The following PTGR1 variants were observed in gnomAD, a reference collection of about 807,000 sequenced individuals.
PTGR1 encodes the protein prostaglandin reductase 1.
Under a neutral mutation model 37.7 loss-of-function variants are expected in PTGR1, and 23 were observed. The observed-to-expected ratio is 0.61, with a 90% CI of 0.44 to 0.86. The LOEUF is 0.86. Ranked by LOEUF, PTGR1 falls within the 40% of genes least tolerant of loss-of-function variation. The pLI is 0.00. For synonymous variants in PTGR1, 134 were observed against 140.0 expected (o/e 0.96, Z 0.30); for missense variants, 351 against 394.3 (o/e 0.89, Z 0.93).
intron 7 of PTGR1, chr9:111,576,417 C>G: frequency 6.2e-7 from 1 of 1,614,060 alleles, no homozygotes; most frequent in Non-Finnish European, 8.5e-7. Context: ...CTGAATAAGA[C>G]CATGCTCTGC....
At chr9:111,569,780 T>A (rs1828729314) in intron 9 of PTGR1, 1 of 353,602 alleles carries the variant, frequency 2.8e-6, no homozygotes, top group African/African-American at 2.1e-5. Context: ...ATATGTGGGT[T>A]TAAGGAAGAA....
chr9:111,594,475 T>C (rs1829718214), intron 2 of PTGR1, among the ~76,000 whole-genome samples: 1 of 151,852 alleles, frequency 6.6e-6, no homozygotes, highest in Non-Finnish European at 1.5e-5. Context: ...AGCCTGCATA[T>C]GTACCCCTAA....
intron 9 of PTGR1, among the ~76,000 whole-genome samples, chr9:111,556,570 C>A (rs967749716): frequency 3.9e-5 from 6 of 152,222 alleles, no homozygotes; most frequent in African/African-American, 1.2e-4. Context: ...CAACTCTTGT[C>A]TTCTTTGCAC....
chr9:111,574,835 C>G lies in PTGR1; in HGVS notation c.659G>C (p.Gly220Ala). 6.2e-7 allele frequency: 1 copy of G among 1,612,136 alleles called. No individual in the cohort carries two copies. The highest frequency in any genetic ancestry group is 1.1e-5 in the South Asian group (1 of 90,934). Reference sequence around the variant, plus strand: ...GCCGATAACAGTGTTTGAAAACTCTCCACCTACCTAAACAGATAGCAAAGA... The same window carrying G: ...GCCGATAACAGTGTTTGAAAACTCTGCACCTACCTAAACAGATAGCAAAGA... ...GYDCYFDNVG[G>A]EFSNTVIGQM... Residue 220 changes from glycine (G) to alanine (A), a missense_variant, in exon 8 of 10, where the codon GGA becomes GCA. Transcript: ENST00000407693.
At chr9:111,555,223 G>A (rs975067051) in intron 9 of PTGR1, among the ~76,000 whole-genome samples, 1 of 152,152 alleles carries the variant, frequency 6.6e-6, no homozygotes, top group African/African-American at 2.4e-5. Flanking sequence ...TTTGGCAAAA[G>A]ATAATGCCTC....
intron 9 of PTGR1, among the ~76,000 whole-genome samples, chr9:111,567,167 TA>T (rs907531749): frequency 6.6e-6 from 1 of 152,124 alleles, no homozygotes; most frequent in Non-Finnish European, 1.5e-5. Flanking sequence ...TAGGGCCATT[TA>T]AAAACTTGCC....
intron 9 of PTGR1, among the ~76,000 whole-genome samples, chr9:111,555,612 C>A (rs752080439): frequency 1.1e-4 from 17 of 152,154 alleles, no homozygotes; most frequent in Non-Finnish European, 2.5e-4. Flanking sequence ...CAGGAACTTA[C>A]AGTCATGGCA....
chr9:111,592,572 G>C (rs555259360), intron 4 of PTGR1: 2 of 186,406 alleles, frequency 1.1e-5, no homozygotes, highest in African/African-American at 2.4e-5. Context: ...TCTTGTGTGT[G>C]TCTATTATTT....
chr9:111,550,719 C>T (rs1433129112), intron 9 of PTGR1, among the ~76,000 whole-genome samples: 1 of 152,168 alleles, frequency 6.6e-6, no homozygotes, highest in East Asian at 1.9e-4. Context: ...TCTTCCAGCT[C>T]TACTATTAAA....
In PTGR1 at chr9:111,562,964, T is replaced by C. The variant is rs1189679505; in HGVS notation, c.*157A>G. On this transcript the variant is annotated 3_prime_UTR_variant, in exon 10 of 10. Transcript: ENST00000407693. ...CTTTGAAACTTCCATCCTCCATCAC[T>C]AATTACATACCACTTAAATGTATTT... 3.6e-6 allele frequency: 5 copies of C among 1,402,268 alleles called. No homozygotes were observed. The highest frequency in any genetic ancestry group is 2.5e-5 in the East Asian group (1 of 39,250). 86.9% of individuals were successfully genotyped at this position (1,402,268 alleles called of 1,614,324 possible).
rs200055805 is a variant in PTGR1 at position 111,570,217 on chromosome 9, G to C, written c.761-8C>G. Reference sequence around the variant, plus strand: ...CAATCTCTGGGGGTGGGCCTGTGAAGAGAAGGGCACATTTGGGTGGCAGGA... The same window carrying C: ...CAATCTCTGGGGGTGGGCCTGTGAACAGAAGGGCACATTTGGGTGGCAGGA... On this transcript the variant is annotated splice_polypyrimidine_tract_variant and splice_region_variant and intron_variant, in intron 8 of 9. Transcript: ENST00000407693. 1 of 1,611,460 alleles carries C rather than the reference G, an allele frequency of 6.2e-7. No individual in the cohort carries two copies. Among genetic ancestry groups the C allele is most frequent in the South Asian group, 1.1e-5 (1 of 90,748 alleles).
downstream of PTGR1, among the ~76,000 whole-genome samples, chr9:111,559,454 G>T (rs746429316): frequency 6.6e-6 from 1 of 151,872 alleles, no homozygotes; most frequent in East Asian, 1.9e-4. Context: ...CTTCACTGTT[G>T]TTGGGCTCTG....
intron 5 of PTGR1, among the ~76,000 whole-genome samples, chr9:111,584,271 C>T (rs1453401860): frequency 6.6e-6 from 1 of 152,184 alleles, no homozygotes; most frequent in African/African-American, 2.4e-5. Flanking sequence ...AAAGTTTCCT[C>T]GTGTCTCCCT....
downstream of PTGR1, among the ~76,000 whole-genome samples, chr9:111,561,118 G>T (rs1358155656): frequency 1.6e-3 from 82 of 52,626 alleles, no homozygotes; most frequent in African/African-American, 2.1e-3. Context: ...TATAGAGAGA[G>T]AGAGAGAGAG....
chr9:111,597,961 AG>A (rs1829832536), intron 1 of PTGR1, among the ~76,000 whole-genome samples: 1 of 151,104 alleles, frequency 6.6e-6, no homozygotes, highest in Non-Finnish European at 1.5e-5. Flanking sequence ...AAACCACCGG[AG>A]GGCGCCGCTG....
chr9:111,551,350 G>A (rs1399158875), intron 9 of PTGR1, among the ~76,000 whole-genome samples: 4 of 128,908 alleles, frequency 3.1e-5, no homozygotes, highest in African/African-American at 1.1e-4. Context: ...CTTTGTTGTT[G>A]TTCTAAATAT....
chr9:111,585,978 A>G lies in PTGR1; in HGVS notation c.377+20T>C. ...GAGTGTCAGACATTCAAACAAATGG[A>G]ATATATCCATGAAACTCACCCTGGC... On this transcript the variant is annotated intron_variant, in intron 5 of 9. Transcript: ENST00000407693. 1 of 1,613,388 alleles carries G rather than the reference A, an allele frequency of 6.2e-7. No homozygotes were observed.
downstream of PTGR1, among the ~76,000 whole-genome samples, chr9:111,560,835 CAG>C (rs1409834438): frequency 2.1e-5 from 3 of 143,880 alleles, no homozygotes; most frequent in African/African-American, 7.8e-5. Flanking sequence ...CCCAGCTACT[CAG>C]GGGGCTGAGG....
intron 1 of PTGR1, among the ~76,000 whole-genome samples, chr9:111,598,691 C>T (rs890518949): frequency 5.3e-5 from 8 of 151,966 alleles, no homozygotes; most frequent in African/African-American, 1.9e-4. Flanking sequence ...GACGGGGTTT[C>T]CCCATGTTGG....
Sources: gnomAD v4.1 joint callset for allele counts (sites outside exome capture counted in the v4.1 genomes callset) on GRCh38, gnomAD v4.1.1 for gene constraint, MANE v1.5 for transcripts, NCBI Gene and HGNC (gene_info 2026-07-23, HGNC 2026-07-21) for gene names.